LRRTM4: variants seen among roughly 807,000 people sequenced by gnomAD.
LRRTM4 encodes the protein leucine-rich repeat transmembrane neuronal protein 4.
LRRTM4 carries 25 observed loss-of-function variants against 47.6 expected under a neutral mutation model. The observed-to-expected ratio is 0.53, with a 90% confidence interval of 0.38 to 0.73. The LOEUF (loss-of-function observed/expected upper bound fraction) is 0.73. Ranked by LOEUF, LRRTM4 falls within the 30% of genes least tolerant of loss-of-function variation. The pLI, the probability that LRRTM4 is intolerant of heterozygous loss-of-function variation, is 0.00. For missense variants in LRRTM4, 638 were observed against 713.4 expected (o/e 0.89, Z 1.20); for synonymous variants, 311 against 269.5 (o/e 1.15, Z -1.51).
chr2:77,429,532 A>G (rs1675272600), intron 3 of LRRTM4, among the ~76,000 whole-genome samples: 1 of 152,198 alleles, frequency 6.6e-6, no homozygotes, highest in African/African-American at 2.4e-5. Flanking sequence ...AAAAAGAAAA[A>G]AAATCCTGTC....
intron 3 of LRRTM4, among the ~76,000 whole-genome samples, chr2:77,329,163 G>C (rs965354727): frequency 2.6e-5 from 4 of 152,178 alleles, no homozygotes; most frequent in African/African-American, 9.7e-5. Context: ...TGGTGTTTCA[G>C]TTACTAGTTA....
At chr2:77,367,019 C>T (rs983792894) in intron 3 of LRRTM4, among the ~76,000 whole-genome samples, 1 of 151,828 alleles carries the variant, frequency 6.6e-6, no homozygotes, top group Non-Finnish European at 1.5e-5. Flanking sequence ...CTTTCTCCAT[C>T]CCTGCCACAT....
chr2:77,177,685 CCA>C (rs1286259275), intron 3 of LRRTM4, among the ~76,000 whole-genome samples: 1 of 152,166 alleles, frequency 6.6e-6, no homozygotes, highest in African/African-American at 2.4e-5. Flanking sequence ...TGATTGGAAT[CCA>C]CACTTTCAAA....
chr2:77,364,018 A>G (rs1672341173), intron 3 of LRRTM4, among the ~76,000 whole-genome samples: 1 of 152,018 alleles, frequency 6.6e-6, no homozygotes, highest in African/African-American at 2.4e-5. Flanking sequence ...AATGAGCTGC[A>G]TGTGTTCCCT....
At chr2:77,395,624 C>T (rs1215758129) in intron 3 of LRRTM4, among the ~76,000 whole-genome samples, 1 of 151,896 alleles carries the variant, frequency 6.6e-6, no homozygotes, top group Non-Finnish European at 1.5e-5. Context: ...TGCTCTGATG[C>T]TTTCTTCATA....
intron 3 of LRRTM4, among the ~76,000 whole-genome samples, chr2:77,196,064 A>C (rs1170016897): frequency 1.3e-5 from 2 of 152,236 alleles, no homozygotes; most frequent in East Asian, 1.9e-4. Flanking sequence ...CCTTGGAAGA[A>C]GAAGATGTTT....
intron 3 of LRRTM4, among the ~76,000 whole-genome samples, chr2:76,989,428 A>G (rs1177744746): frequency 6.6e-6 from 1 of 151,880 alleles, no homozygotes; most frequent in African/African-American, 2.4e-5. Context: ...ATTAGTAAAA[A>G]TTTTGAATCT....
chr2:77,158,147 T>C (rs988710370), intron 3 of LRRTM4, among the ~76,000 whole-genome samples: 12 of 152,186 alleles, frequency 7.9e-5, no homozygotes, highest in African/African-American at 2.7e-4. Flanking sequence ...GAGAGGCTTC[T>C]GGCCAACTTC....
At chr2:76,969,609 A>T (rs543158252) in intron 3 of LRRTM4, among the ~76,000 whole-genome samples, 1 of 151,902 alleles carries the variant, frequency 6.6e-6, no homozygotes, top group East Asian at 1.9e-4. Context: ...TGCACTTTCC[A>T]TAATGATTTT....
chr2:76,914,710 T>C (rs1674186035), intron 3 of LRRTM4, among the ~76,000 whole-genome samples: 1 of 152,190 alleles, frequency 6.6e-6, no homozygotes, highest in Admixed American at 6.5e-5. Flanking sequence ...TGGTGTTTCC[T>C]TTTGTATAAT....
intron 3 of LRRTM4, among the ~76,000 whole-genome samples, chr2:77,500,378 C>A (rs1678526473): frequency 6.6e-6 from 1 of 151,310 alleles, no homozygotes; most frequent in African/African-American, 2.4e-5. Flanking sequence ...AAAATAGCAC[C>A]ATTGGAATTA....
At chr2:77,441,354 G>T (rs1675834621) in intron 3 of LRRTM4, among the ~76,000 whole-genome samples, 1 of 152,166 alleles carries the variant, frequency 6.6e-6, no homozygotes, top group East Asian at 1.9e-4. Flanking sequence ...ATTGTTAAAA[G>T]GCTAATATTT....
chr2:77,426,336 C>T lies in LRRTM4; in HGVS notation c.1551+91982G>A, dbSNP rs997025540. Reference sequence around the variant, plus strand: ...CTAAATCATCTACATACATGTACCCCCCAGCTTCCCTGCAGTCCATTCTTT... The same window carrying T: ...CTAAATCATCTACATACATGTACCCTCCAGCTTCCCTGCAGTCCATTCTTT... On this transcript the variant is annotated intron_variant, in intron 3 of 3. Coordinates refer to ENST00000409884, the MANE Select transcript of LRRTM4 (RefSeq NM_001134745.3). 2.6e-5 allele frequency among the ~76,000 whole-genome samples: 4 copies of T among 152,238 alleles called. No individual in the cohort carries two copies. In the South Asian group the frequency reaches 8.3e-4, roughly 32 times the overall value.
chr2:77,219,720 G>A (rs985767085), intron 3 of LRRTM4, among the ~76,000 whole-genome samples: 1 of 152,188 alleles, frequency 6.6e-6, no homozygotes. Flanking sequence ...TTACGCAGCA[G>A]CTGTGCAACT....
chr2:77,260,837 C>T (rs1420525170), intron 3 of LRRTM4, among the ~76,000 whole-genome samples: 10 of 152,002 alleles, frequency 6.6e-5, no homozygotes, highest in Admixed American at 3.9e-4. Context: ...AGTTGGGAAC[C>T]TTATGTGAAT....
chr2:77,104,107 C>A (rs1380994297), intron 3 of LRRTM4, among the ~76,000 whole-genome samples: 1 of 152,036 alleles, frequency 6.6e-6, no homozygotes, highest in Non-Finnish European at 1.5e-5. Context: ...TAGTTCACAC[C>A]ACCTTCCTTC....
intron 3 of LRRTM4, among the ~76,000 whole-genome samples, chr2:77,262,607 G>A (rs1483949622): frequency 6.7e-6 from 1 of 150,366 alleles, no homozygotes; most frequent in Non-Finnish European, 1.5e-5. Flanking sequence ...ACTTGCCTTT[G>A]ATGACCTTTA....
chr2:77,166,895 G>A (rs991448034), intron 3 of LRRTM4, among the ~76,000 whole-genome samples: 2 of 152,070 alleles, frequency 1.3e-5, no homozygotes, highest in Non-Finnish European at 2.9e-5. Flanking sequence ...CATAGGCATG[G>A]GCAAGGACTT....
At chr2:76,761,890 G>A (rs146251094) in intron 3 of LRRTM4, among the ~76,000 whole-genome samples, 1 of 152,292 alleles carries the variant, frequency 6.6e-6, no homozygotes, top group African/African-American at 2.4e-5. Flanking sequence ...ATATTAATAT[G>A]TAGGGGGACT....
Sources: gnomAD v4.1 joint callset for allele counts (sites outside exome capture counted in the v4.1 genomes callset) on GRCh38, gnomAD v4.1.1 for gene constraint, MANE v1.5 for transcripts, NCBI Gene and HGNC (gene_info 2026-07-23, HGNC 2026-07-21) for gene names.